The following NOP58 variants were observed in gnomAD, a reference collection of about 807,000 sequenced individuals.
The protein encoded by NOP58 is nucleolar protein 58.
NOP58 carries 44 observed loss-of-function variants against 71.2 expected under a neutral mutation model. The ratio of observed to expected loss-of-function variants is 0.62; its 90% CI spans 0.49 to 0.79. NOP58 has a LOEUF of 0.79. Among genes scored for constraint, NOP58 ranks in the 30% least tolerant of loss-of-function variants. The pLI is 0.00. For synonymous variants in NOP58, 228 were observed against 200.3 expected (o/e 1.14, Z -1.17); for missense variants, 538 against 620.2 (o/e 0.87, Z 1.41).
At chr2:202,292,249 C>T (rs1352312001) in intron 8 of NOP58, among the ~76,000 whole-genome samples, 1 of 151,640 alleles carries the variant, frequency 6.6e-6, no homozygotes, top group Non-Finnish European at 1.5e-5. Flanking sequence ...GCCTCGACCT[C>T]CCAAAGTGCT....
intron 2 of NOP58, chr2:202,276,564 G>A (rs1688594382): frequency 2.2e-6 from 1 of 455,708 alleles, no homozygotes; most frequent in African/African-American, 2.0e-5. Context: ...CTGAGGCTGG[G>A]CGTGATGGCT....
chr2:202,284,597 A>T (rs953360261), intron 5 of NOP58, 116 bp downstream of exon 5: 8 of 1,096,006 alleles, frequency 7.3e-6, no homozygotes, highest in Admixed American at 5.0e-5. Context: ...CTTATGAAGA[A>T]GATGATAGTA....
At position 202,291,968 on chromosome 2, in the gene NOP58, C is replaced by CTTTT. The variant is rs869075798; in HGVS notation, c.780+731_780+734dup. 8.2e-3 allele frequency among the ~76,000 whole-genome samples: 359 copies of CTTTT among 43,958 alleles called. 136 individuals are homozygous for CTTTT. The highest frequency in any genetic ancestry group is 0.011 in the Non-Finnish European group (258 of 23,982). 28.8% of individuals were successfully genotyped at this position (43,958 alleles called of 152,430 possible). A position where few individuals can be genotyped will look rare whatever the true frequency, so the allele number is the denominator to read the frequency against. ...GATACAAATGTTTATTGCTCAGAATCTTTTTTTTTTTTTTTTTTTTTTTTT... is the reference window on the plus strand; with the variant it reads ...GATACAAATGTTTATTGCTCAGAATCTTTTTTTTTTTTTTTTTTTTTTTTTTTTT... On this transcript the variant is annotated intron_variant, in intron 8 of 14. Coordinates refer to ENST00000264279, the MANE Select transcript of NOP58 (RefSeq NM_015934.5).
chr2:202,296,583 C>G (rs977023792), intron 10 of NOP58, among the ~76,000 whole-genome samples: 2 of 152,026 alleles, frequency 1.3e-5, no homozygotes, highest in South Asian at 2.1e-4. Context: ...TAAGTACTTT[C>G]AATGTTTTTG....
At chr2:202,266,399 A>G (rs145278508) in intron 1 of NOP58, among the ~76,000 whole-genome samples, 6,003 of 152,066 alleles carry the variant, frequency 0.039, 428 homozygotes, top group African/African-American at 0.14. Context: ...CCCGGGTTCA[A>G]GCGATTCTCC....
Position 202,295,739 on chromosome 2 carries a change from C to T in NOP58, c.973C>T (p.Leu325Phe). 6.2e-7 allele frequency: 1 copy of T among 1,611,556 alleles called. No homozygotes were observed. Among genetic ancestry groups the T allele is most frequent in the Non-Finnish European group, 8.5e-7 (1 of 1,179,030 alleles). ...TCAGATTCTTGGAGCTGAAAAGGCA[C>T]TTTTCAGAGCCCTCAAATCTAGACG... Reference protein sequence around the residue: ...TVQILGAEKALFRALKSRRDT... With the variant: ...TVQILGAEKAFFRALKSRRDT... Residue 325 changes from leucine (L) to phenylalanine (F), a missense_variant, in exon 10 of 15, where the codon CTT becomes TTT. Transcript: ENST00000264279.
intron 1 of NOP58, among the ~76,000 whole-genome samples, chr2:202,267,790 C>A (rs1688442672): frequency 6.6e-6 from 1 of 152,202 alleles, no homozygotes. Context: ...TCCTAAAATA[C>A]TCAACCGTGT....
chr2:202,303,152 A>C, intron 14 of NOP58, 95 bp downstream of exon 14: 5 of 1,456,402 alleles, frequency 3.4e-6, no homozygotes, highest in Non-Finnish European at 4.6e-6. Context: ...GGCATTTTAA[A>C]AAATGGTTTT....
At chr2:202,274,655 A>G (rs1205828047) in intron 1 of NOP58, among the ~76,000 whole-genome samples, 1 of 152,050 alleles carries the variant, frequency 6.6e-6, no homozygotes, top group African/African-American at 2.4e-5. Flanking sequence ...CCAGCTACTC[A>G]GGAGGCCGAG....
chr2:202,284,039 T>C (rs1190618715), intron 4 of NOP58, among the ~76,000 whole-genome samples: 1 of 151,972 alleles, frequency 6.6e-6, no homozygotes, highest in South Asian at 2.1e-4. Flanking sequence ...CCCAGCACTT[T>C]GGGAAGATGA....
At chr2:202,271,397 A>G (rs1688508921) in intron 1 of NOP58, among the ~76,000 whole-genome samples, 1 of 142,968 alleles carries the variant, frequency 7.0e-6, no homozygotes, top group Non-Finnish European at 1.6e-5. Context: ...CTTTACTAAA[A>G]TACAAAAAAA....
chr2:202,285,930 C>T (rs1212596815), intron 5 of NOP58, among the ~76,000 whole-genome samples: 1 of 152,164 alleles, frequency 6.6e-6, no homozygotes, highest in East Asian at 1.9e-4. Flanking sequence ...CACGGTGGCT[C>T]ACGCCTGTAA....
chr2:202,301,471 C>T (rs1424681646), intron 13 of NOP58, among the ~76,000 whole-genome samples: 1 of 152,206 alleles, frequency 6.6e-6, no homozygotes, highest in African/African-American at 2.4e-5. Context: ...GCATGAGCCA[C>T]CACGCCCAGT....
chr2:202,296,536 CTA>C (rs1462323055), intron 10 of NOP58, among the ~76,000 whole-genome samples: 1 of 152,102 alleles, frequency 6.6e-6, no homozygotes, highest in Non-Finnish European at 1.5e-5. Flanking sequence ...GTAGGTATCT[CTA>C]TCTTGCAGAT....
chr2:202,277,863 G>A (rs530479776), intron 2 of NOP58, 87 bp from the exon 3 acceptor site: 114 of 731,212 alleles, frequency 1.6e-4, no homozygotes, highest in African/African-American at 1.4e-3. Flanking sequence ...TTTGGAAACA[G>A]TCAAGCACTT....
chr2:202,297,976 T>C (rs1334978549), intron 12 of NOP58, 70 bp downstream of exon 12: 7 of 957,874 alleles, frequency 7.3e-6, no homozygotes, highest in South Asian at 1.9e-5. Flanking sequence ...TAATTTTTTA[T>C]TGTAAACTTC....
intron 14 of NOP58, 74 bp downstream of exon 14, chr2:202,303,131 A>G (rs1689121881): frequency 2.0e-6 from 3 of 1,499,564 alleles, no homozygotes; most frequent in South Asian, 2.6e-5. Flanking sequence ...TTTCTATATC[A>G]GAAATGAGCA....
intron 3 of NOP58, chr2:202,278,428 A>C (rs1688641756): frequency 5.6e-6 from 2 of 357,302 alleles, no homozygotes. Context: ...AATAATTTAA[A>C]AAGCTCTTCT....
intron 11 of NOP58, 74 bp from the exon 12 acceptor site, chr2:202,297,771 C>G (rs1273260682): frequency 4.3e-6 from 4 of 931,122 alleles, no homozygotes; most frequent in Non-Finnish European, 6.5e-6. Flanking sequence ...CCCACTGATT[C>G]ACTAGACTGT....
Sources: gnomAD v4.1 joint callset for allele counts (sites outside exome capture counted in the v4.1 genomes callset) on GRCh38, gnomAD v4.1.1 for gene constraint, MANE v1.5 for transcripts, NCBI Gene and HGNC (gene_info 2026-07-23, HGNC 2026-07-21) for gene names.